Variants in MACROD2 observed in about 807,000 individuals in gnomAD.
MACROD2 encodes mono-ADP ribosylhydrolase 2.
In MACROD2, 36 loss-of-function variants were observed where a neutral mutation model predicts 70.4. The ratio of observed to expected loss-of-function variants is 0.51; its 90% CI spans 0.39 to 0.68. The LOEUF (loss-of-function observed/expected upper bound fraction) is 0.68, where lower values mean the gene tolerates loss of function less well. Ranked by LOEUF, MACROD2 falls within the 30% of genes least tolerant of loss-of-function variation. MACROD2 has a pLI of 0.00. For synonymous variants in MACROD2, 172 were observed against 178.8 expected, an observed-to-expected ratio of 0.96 and a Z score of 0.30; for missense variants, 496 against 538.4, an observed-to-expected ratio of 0.92 and a Z score of 0.78.
At chr20:15,959,851 T>C (rs1486499931) in intron 12 of MACROD2, among the ~76,000 whole-genome samples, 1 of 150,432 alleles carries the variant, frequency 6.6e-6, no homozygotes, top group Non-Finnish European at 1.5e-5. Context: ...TAAAGTACTA[T>C]TTGTAAAAAA....
intron 5 of MACROD2, among the ~76,000 whole-genome samples, chr20:14,775,988 C>T (rs377552653): frequency 6.6e-6 from 1 of 152,024 alleles, no homozygotes; most frequent in East Asian, 1.9e-4. Context: ...CAACAAGTCC[C>T]TGGAGTCCAG....
At chr20:15,597,932 A>G (rs1735976223) in intron 8 of MACROD2, among the ~76,000 whole-genome samples, 1 of 152,186 alleles carries the variant, frequency 6.6e-6, no homozygotes, top group African/African-American at 2.4e-5. Flanking sequence ...TACAAAAATT[A>G]GCCAGGCGTG....
intron 5 of MACROD2, among the ~76,000 whole-genome samples, chr20:15,112,310 A>G (rs766017641): frequency 6.6e-6 from 1 of 152,190 alleles, no homozygotes; most frequent in African/African-American, 2.4e-5. Context: ...AGGCCACTGG[A>G]TAGACCTATT....
At chr20:14,668,653 G>A (rs1600519081) in intron 4 of MACROD2, among the ~76,000 whole-genome samples, 1 of 152,070 alleles carries the variant, frequency 6.6e-6, no homozygotes, top group East Asian at 1.9e-4. Flanking sequence ...TTTTAAATGA[G>A]TACATGGGGA....
At chr20:15,475,942 G>C (rs575918986) in intron 7 of MACROD2, among the ~76,000 whole-genome samples, 2 of 152,142 alleles carry the variant, frequency 1.3e-5, no homozygotes, top group Non-Finnish European at 2.9e-5. Context: ...TCTTCGTTGC[G>C]TTCTATAAGG....
At chr20:15,388,157 G>A (rs1156761745) in intron 6 of MACROD2, among the ~76,000 whole-genome samples, 1 of 152,102 alleles carries the variant, frequency 6.6e-6, no homozygotes, top group Non-Finnish European at 1.5e-5. Flanking sequence ...GAAGATGGGA[G>A]TTGGGATGGA....
intron 5 of MACROD2, among the ~76,000 whole-genome samples, chr20:15,030,494 C>T (rs573800094): frequency 1.3e-5 from 2 of 152,272 alleles, no homozygotes; most frequent in East Asian, 1.9e-4. Context: ...CAGAAATGCA[C>T]AGCAGCATTG....
intron 5 of MACROD2, among the ~76,000 whole-genome samples, chr20:14,783,950 T>A (rs993023566): frequency 2.3e-4 from 35 of 152,208 alleles, no homozygotes; most frequent in African/African-American, 8.4e-4. Flanking sequence ...GTTTCCCAAG[T>A]GCTTGAGCAA....
rs1375805246 is a variant in MACROD2 at position 14,986,757 on chromosome 20, A to T, written c.419-243183A>T. 2.6e-5 allele frequency among the ~76,000 whole-genome samples: 4 copies of T among 152,188 alleles called. 1 individual carries two copies. The highest frequency in any genetic ancestry group is 4.8e-5 in the African/African-American group (2 of 41,444). On this transcript the variant is annotated intron_variant, in intron 5 of 17. Transcript: ENST00000684519. ...GAGAGTGATCAGGGCTCACCCTGGCAAAATTGTCTCTGCCGGATGTTTCAG... is the reference window on the plus strand; with the variant it reads ...GAGAGTGATCAGGGCTCACCCTGGCTAAATTGTCTCTGCCGGATGTTTCAG...
At chr20:14,997,551 T>C (rs183322797) in intron 5 of MACROD2, among the ~76,000 whole-genome samples, 2 of 152,314 alleles carry the variant, frequency 1.3e-5, no homozygotes, top group Non-Finnish European at 1.5e-5. Flanking sequence ...AAGGACTTTG[T>C]CTTGCAACTT....
At chr20:15,200,345 G>A (rs1441473851) in intron 5 of MACROD2, among the ~76,000 whole-genome samples, 1 of 152,112 alleles carries the variant, frequency 6.6e-6, no homozygotes, top group African/African-American at 2.4e-5. Context: ...TTTCAATCTG[G>A]TTTTCTTTGC....
intron 5 of MACROD2, among the ~76,000 whole-genome samples, chr20:15,099,736 C>A (rs1371847249): frequency 6.6e-6 from 1 of 152,000 alleles, no homozygotes; most frequent in Non-Finnish European, 1.5e-5. Flanking sequence ...GCTGAGCTTG[C>A]CTTGAATGTT....
intron 4 of MACROD2, among the ~76,000 whole-genome samples, chr20:14,599,296 C>T (rs559351015): frequency 6.6e-6 from 1 of 151,958 alleles, no homozygotes; most frequent in Non-Finnish European, 1.5e-5. Context: ...ACTGTTAAAG[C>T]GTTGAGGACA....
chr20:14,302,742 G>A (rs2082486639), intron 3 of MACROD2, among the ~76,000 whole-genome samples: 8 of 151,206 alleles, frequency 5.3e-5, no homozygotes, highest in Admixed American at 4.6e-4. Context: ...TGCAACCTCC[G>A]CCTGCCAGGT....
intron 4 of MACROD2, among the ~76,000 whole-genome samples, chr20:14,644,970 ACT>A (rs1397538686): frequency 6.6e-6 from 1 of 152,146 alleles, no homozygotes; most frequent in African/African-American, 2.4e-5. Context: ...TCTGATGAAG[ACT>A]TTACACTTAT....
intron 5 of MACROD2, among the ~76,000 whole-genome samples, chr20:15,084,299 C>T (rs893914597): frequency 1.3e-5 from 2 of 151,966 alleles, no homozygotes; most frequent in African/African-American, 4.8e-5. Flanking sequence ...AAGTCCTGAC[C>T]TCATGTGATC....
chr20:15,040,076 C>T (rs951541256), intron 5 of MACROD2, among the ~76,000 whole-genome samples: 1 of 152,112 alleles, frequency 6.6e-6, no homozygotes. Flanking sequence ...GGTCTTTTTG[C>T]TGGGAACCAT....
chr20:15,059,472 G>C (rs1191329831), intron 5 of MACROD2, among the ~76,000 whole-genome samples: 11 of 152,188 alleles, frequency 7.2e-5, no homozygotes, highest in Admixed American at 6.5e-4. Context: ...GATGTCTTCT[G>C]AGATGGGTTG....
chr20:14,677,560 T>C (rs756393913), intron 4 of MACROD2, among the ~76,000 whole-genome samples: 13 of 152,152 alleles, frequency 8.5e-5, no homozygotes, highest in Non-Finnish European at 1.6e-4. Context: ...ATCAGGGTGG[T>C]AAATGACAGG....
Sources: gnomAD v4.1 joint callset for allele counts (sites outside exome capture counted in the v4.1 genomes callset) on GRCh38, gnomAD v4.1.1 for gene constraint, MANE v1.5 for transcripts, NCBI Gene and HGNC (gene_info 2026-07-23, HGNC 2026-07-21) for gene names.